The following TRANK1 variants were observed in gnomAD, a reference collection of about 807,000 sequenced individuals.
TRANK1 encodes tetratricopeptide repeat and ankyrin repeat containing 1.
A neutral mutation model predicts 266.0 loss-of-function variants in TRANK1; 198 were observed. That is an observed-to-expected ratio of 0.74 (90% CI 0.66 to 0.84). TRANK1 has a LOEUF of 0.84. TRANK1 is among the 40% of genes least tolerant of loss of function. The pLI is 0.00. For missense variants in TRANK1, 3,326 were observed against 3,634.6 expected, an observed-to-expected ratio of 0.92 and a Z score of 2.18; for synonymous variants, 1,396 against 1,384.1, an observed-to-expected ratio of 1.01 and a Z score of -0.19.
At chr3:36,838,756 G>A (rs2078804347) in intron 18 of TRANK1, 40 bp from the exon 19 acceptor site, 1 of 1,579,234 alleles carries the variant, frequency 6.3e-7, no homozygotes, top group African/African-American at 1.3e-5. Flanking sequence ...CAAGGTAATG[G>A]AGGTAACAGA....
At chr3:36,838,536 CG>C (rs1559418022) in intron 19 of TRANK1, 32 bp from the exon 20 acceptor site, 1 of 1,613,992 alleles carries the variant, frequency 6.2e-7, no homozygotes, top group South Asian at 1.1e-5. Context: ...AATATTTCCA[CG>C]GAACATTGAC....
At chr3:36,874,710 G>A (rs9864336) in intron 8 of TRANK1, among the ~76,000 whole-genome samples, 8,461 of 152,118 alleles carry the variant, frequency 0.056, 751 homozygotes, top group African/African-American at 0.19. Flanking sequence ...ACATGAAAGC[G>A]GTGATTGCTT....
At chr3:36,849,331 C>T (rs74319783) in intron 15 of TRANK1, among the ~76,000 whole-genome samples, 1,523 of 152,294 alleles carry the variant, frequency 0.01, 35 homozygotes, top group African/African-American at 0.035. Flanking sequence ...GGAAGAATGA[C>T]TTCCTCTCCC....
intron 2 of TRANK1, among the ~76,000 whole-genome samples, chr3:36,908,031 C>A (rs2079998710): frequency 6.6e-6 from 1 of 152,274 alleles, no homozygotes; most frequent in South Asian, 2.1e-4. Flanking sequence ...AAATGAATGA[C>A]AACGAAGAGG....
intron 8 of TRANK1, among the ~76,000 whole-genome samples, chr3:36,888,978 G>A (rs893446191): frequency 4.6e-5 from 7 of 152,108 alleles, no homozygotes; most frequent in African/African-American, 7.2e-5. Context: ...CCTGGGAAGC[G>A]GAGGTTGCAG....
chr3:36,879,625 T>TAAATATATATAAATATAC lies in TRANK1; in HGVS notation c.908-5347_908-5330dup, dbSNP rs1559448103. On this transcript the variant is annotated intron_variant, in intron 8 of 23. Transcript: ENST00000645898. Reference sequence around the variant, plus strand: ...ATATATATAAATATACAAATATATATAAATATATATAAATATACAAATATA... The same window carrying TAAATATATATAAATATAC: ...ATATATATAAATATACAAATATATATAAATATATATAAATATACAAATATATATAAATATACAAATATA... 5.0e-4 allele frequency among the ~76,000 whole-genome samples: 53 copies of TAAATATATATAAATATAC among 105,822 alleles called. 11 individuals carry two copies. Among genetic ancestry groups the TAAATATATATAAATATAC allele is most frequent in the African/African-American group, 2.5e-3 (52 of 21,184 alleles). The allele number at this position is 105,822 out of a possible 152,430, so 69.4% of individuals were successfully genotyped here.
At position 36,864,630 on chromosome 3, in the gene TRANK1, C is replaced by A. The variant is rs2079188543; in HGVS notation, c.1079-150G>T. Reference sequence around the variant, plus strand: ...TCTCATCAAGAAGTGGAGCCTCTTTCCCCTCCACCCTCCCCTGATTCTGGA... The same window carrying A: ...TCTCATCAAGAAGTGGAGCCTCTTTACCCTCCACCCTCCCCTGATTCTGGA... On this transcript the variant is annotated intron_variant, in intron 9 of 23. Transcript: ENST00000645898. The A allele has an allele frequency of 1.9e-5, 12 of 640,642 alleles. No individual in the cohort carries two copies. In the South Asian group the frequency reaches 3.4e-4, roughly 18 times the overall value. The allele number at this position is 640,642 out of a possible 1,614,324, so 39.7% of individuals were successfully genotyped here.
chr3:36,859,111 C>G (rs2079098671), intron 11 of TRANK1, among the ~76,000 whole-genome samples: 1 of 152,200 alleles, frequency 6.6e-6, no homozygotes, highest in Non-Finnish European at 1.5e-5. Context: ...CTGGGGGCCT[C>G]ACCCCCGCCT....
intron 20 of TRANK1, among the ~76,000 whole-genome samples, chr3:36,836,689 G>A (rs1011218671): frequency 4.6e-5 from 7 of 152,176 alleles, no homozygotes; most frequent in African/African-American, 1.7e-4. Flanking sequence ...AAGAGTCTAC[G>A]AGACTCTTCT....
intron 6 of TRANK1, 28 bp downstream of exon 6, chr3:36,892,873 A>G: frequency 1.2e-6 from 1 of 816,698 alleles, no homozygotes; most frequent in Non-Finnish European, 1.7e-6. Context: ...ATATATATAG[A>G]TATATATAGA....
chr3:36,919,473 G>C (rs1408106826), intron 1 of TRANK1, among the ~76,000 whole-genome samples: 1 of 152,120 alleles, frequency 6.6e-6, no homozygotes, highest in Non-Finnish European at 1.5e-5. Context: ...TTCTCTTATT[G>C]CTGTGTAGTG....
chr3:36,942,176 G>A (rs2080505469), intron 1 of TRANK1, among the ~76,000 whole-genome samples: 1 of 152,094 alleles, frequency 6.6e-6, no homozygotes, highest in African/African-American at 2.4e-5. Flanking sequence ...GTAACTTCAG[G>A]AAAACAGAAG....
chr3:36,831,665 C>T lies in TRANK1; in HGVS notation c.7918G>A (p.Glu2640Lys). 6.2e-7 allele frequency: 1 copy of T among 1,614,020 alleles called. No homozygotes were observed. Among genetic ancestry groups the T allele is most frequent in the Non-Finnish European group, 8.5e-7 (1 of 1,179,890 alleles). ...CAGTCACAGTCCATTAGGTACTCTT[C>T]ATCCCGCTCAAAGAGCAGGTCCTGC... ...ALQDLLFERD[E>K]EYLMDCDWRW... The change falls in exon 22 of 24, where the codon GAA (glutamate) becomes AAA (lysine). Residue 2640 changes from glutamate to lysine, a missense_variant. Transcript: ENST00000645898. This position sits in a 1 kb window ranked among gnomAD's most constrained non-coding sequence, Gnocchi z 5.0.
At chr3:36,905,105 G>A (rs1348388395) in intron 2 of TRANK1, among the ~76,000 whole-genome samples, 2 of 151,962 alleles carry the variant, frequency 1.3e-5, no homozygotes, top group Non-Finnish European at 2.9e-5. Flanking sequence ...CGGCTAACAC[G>A]GTGAAACCCC....
chr3:36,939,694 T>C (rs1038130083), intron 1 of TRANK1, among the ~76,000 whole-genome samples: 1 of 152,184 alleles, frequency 6.6e-6, no homozygotes, highest in Non-Finnish European at 1.5e-5. Context: ...TTGAGCTATG[T>C]GAAACAGCAA....
chr3:36,899,294 C>T (rs2125618164), intron 3 of TRANK1, 35 bp from the exon 4 acceptor site: 1 of 1,530,244 alleles, frequency 6.5e-7, no homozygotes, highest in Non-Finnish European at 8.7e-7. Flanking sequence ...TGTCATGTAC[C>T]ACATCTCCTT....
At chr3:36,899,452 G>A (rs911806776) in intron 3 of TRANK1, among the ~76,000 whole-genome samples, 193 bp from the exon 4 acceptor site, 2 of 152,140 alleles carry the variant, frequency 1.3e-5, no homozygotes, top group African/African-American at 2.4e-5. Flanking sequence ...CTCAAGAGTT[G>A]GAGGCCAGCC....
In TRANK1 at chr3:36,874,148, A is replaced by C; in HGVS notation, c.1056T>G (p.Ala352=). 1 of 1,537,396 alleles carries C rather than the reference A, an allele frequency of 6.5e-7. No homozygotes were observed. Among genetic ancestry groups the C allele is most frequent in the Non-Finnish European group, 8.7e-7 (1 of 1,146,880 alleles). Residue 352 remains alanine, a synonymous_variant, in exon 9 of 24, where the codon GCT becomes GCG. Transcript: ENST00000645898. Reference sequence around the variant, plus strand: ...TACCTGATAGGTCCTTAGAACACGTAGCTAGCTTTTCTAAGTGACTGTTGA... The same window carrying C: ...TACCTGATAGGTCCTTAGAACACGTCGCTAGCTTTTCTAAGTGACTGTTGA... ...EKINSHLEKL[A]TCSKDLSGFS...
At chr3:36,864,248 C>A in intron 10 of TRANK1, 71 bp downstream of exon 10, 1 of 1,373,678 alleles carries the variant, frequency 7.3e-7, no homozygotes, top group Admixed American at 3.0e-5. Context: ...AATTTCTGAA[C>A]AGATATTAGA....
Sources: allele counts gnomAD v4.1 joint callset (sites outside exome capture counted in the v4.1 genomes callset), GRCh38; gene constraint gnomAD v4.1.1; non-coding constraint Gnocchi (gnomAD v3.1); transcripts MANE v1.5; gene names NCBI Gene and HGNC (gene_info 2026-07-23, HGNC 2026-07-21).